Variants in LATS2 observed in about 807,000 individuals in gnomAD.
The protein encoded by LATS2 is serine/threonine-protein kinase LATS2.
Under a neutral mutation model 76.0 loss-of-function variants are expected in LATS2, and 24 were observed. That is an observed-to-expected ratio of 0.32 (90% CI 0.23 to 0.44). The LOEUF is 0.44. Among genes scored for constraint, LATS2 ranks in the 20% least tolerant of loss-of-function variants. The probability of loss-of-function intolerance (pLI) is 1.00; values close to 1 mark genes in which losing one functional copy is unlikely to be tolerated. For missense variants in LATS2, 1,286 were observed against 1,481.2 expected (o/e 0.87, Z 2.16); for synonymous variants, 692 against 635.4 (o/e 1.09, Z -1.34).
At chr13:21,014,557 G>T (rs942528115) in intron 2 of LATS2, among the ~76,000 whole-genome samples, 1 of 152,144 alleles carries the variant, frequency 6.6e-6, no homozygotes, top group Non-Finnish European at 1.5e-5. Context: ...AGGTTTTATG[G>T]CAATGCTGAG....
At chr13:21,036,733 A>C (rs906392332) in intron 2 of LATS2, among the ~76,000 whole-genome samples, 8 of 152,330 alleles carry the variant, frequency 5.3e-5, no homozygotes, top group African/African-American at 1.9e-4. Flanking sequence ...AGATGGCACC[A>C]CTGCACTCCA....
intron 2 of LATS2, among the ~76,000 whole-genome samples, chr13:20,998,451 A>C (rs1595223602): frequency 6.6e-6 from 1 of 152,204 alleles, no homozygotes; most frequent in Non-Finnish European, 1.5e-5. Context: ...CTGGCAGAGG[A>C]GGCTGCACTG....
At chr13:21,002,857 T>G (rs1244236452) in intron 2 of LATS2, among the ~76,000 whole-genome samples, 1 of 152,036 alleles carries the variant, frequency 6.6e-6, no homozygotes, top group Admixed American at 6.6e-5. Flanking sequence ...CCTGGCTAAC[T>G]TTATTCTTTA....
At chr13:20,997,595 G>A (rs1221806576) in intron 2 of LATS2, among the ~76,000 whole-genome samples, 2 of 152,132 alleles carry the variant, frequency 1.3e-5, no homozygotes, top group Admixed American at 6.5e-5. Flanking sequence ...CTGTCCCTCG[G>A]GGAAGCTGGC....
At chr13:21,014,177 G>A (rs1378276823) in intron 2 of LATS2, among the ~76,000 whole-genome samples, 1 of 152,110 alleles carries the variant, frequency 6.6e-6, no homozygotes, top group Non-Finnish European at 1.5e-5. Context: ...TGAGTCGGGG[G>A]CAGGGGGAAA....
At chr13:21,036,780 CAA>C (rs1872695167) in intron 2 of LATS2, among the ~76,000 whole-genome samples, 1 of 151,750 alleles carries the variant, frequency 6.6e-6, no homozygotes, top group Non-Finnish European at 1.5e-5. Context: ...CTCAAAACAA[CAA>C]CAACAACAAC....
intron 2 of LATS2, among the ~76,000 whole-genome samples, chr13:21,015,800 A>G (rs959201521): frequency 1.3e-5 from 2 of 152,070 alleles, no homozygotes; most frequent in Non-Finnish European, 1.5e-5. Context: ...CCCAGGTTCA[A>G]GCGATTCTCT....
intron 2 of LATS2, among the ~76,000 whole-genome samples, chr13:21,018,874 G>A (rs898288674): frequency 3.9e-5 from 6 of 152,214 alleles, no homozygotes; most frequent in African/African-American, 9.6e-5. Flanking sequence ...TTGAACTCCC[G>A]ACCTCAAATA....
intron 2 of LATS2, among the ~76,000 whole-genome samples, chr13:21,031,501 T>C (rs1872529437): frequency 6.6e-6 from 1 of 152,234 alleles, no homozygotes; most frequent in Non-Finnish European, 1.5e-5. Context: ...TTTTTTCACC[T>C]ATTTTGCTTT....
intron 2 of LATS2, among the ~76,000 whole-genome samples, chr13:21,025,207 C>A (rs1328468178): frequency 2.3e-5 from 3 of 130,582 alleles, no homozygotes; most frequent in Middle Eastern, 7.1e-3. Flanking sequence ...TGGCGAAACC[C>A]CGTCTCTACT....
At chr13:21,000,754 A>G (rs1871006601) in intron 2 of LATS2, among the ~76,000 whole-genome samples, 1 of 152,196 alleles carries the variant, frequency 6.6e-6, no homozygotes, top group Non-Finnish European at 1.5e-5. Context: ...CAAATCTACC[A>G]CTGTTCTAGA....
chr13:21,036,997 A>G (rs1872704895), intron 2 of LATS2, among the ~76,000 whole-genome samples: 1 of 152,254 alleles, frequency 6.6e-6, no homozygotes, highest in Non-Finnish European at 1.5e-5. Context: ...AATGTATTCT[A>G]AGGAAGTCAG....
At chr13:21,040,648 A>C (rs976065202) in intron 2 of LATS2, among the ~76,000 whole-genome samples, 1 of 151,958 alleles carries the variant, frequency 6.6e-6, no homozygotes, top group Non-Finnish European at 1.5e-5. Flanking sequence ...GCTCCTCTGT[A>C]GAGGGGAGCA....
chr13:21,035,007 G>T (rs549516190), intron 2 of LATS2, among the ~76,000 whole-genome samples: 7 of 152,268 alleles, frequency 4.6e-5, no homozygotes, highest in Admixed American at 2.6e-4. Flanking sequence ...AGGGCGGGAG[G>T]ATCACTTGAG....
intron 2 of LATS2, among the ~76,000 whole-genome samples, chr13:21,030,698 A>T (rs1448733017): frequency 2.0e-5 from 3 of 151,772 alleles, no homozygotes; most frequent in African/African-American, 7.3e-5. Flanking sequence ...ATCTATAGGT[A>T]TGATAAACCT....
intron 2 of LATS2, chr13:21,023,146 AGGGCTCC>A (rs146957910): frequency 1.2e-5 from 1 of 85,078 alleles, no homozygotes; most frequent in African/African-American, 5.6e-5. Flanking sequence ...CGCTGCATCG[AGGGCTCC>A]GGGCTCCGAG....
intron 2 of LATS2, among the ~76,000 whole-genome samples, chr13:21,017,145 G>A (rs1413568820): frequency 6.6e-6 from 1 of 152,154 alleles, no homozygotes; most frequent in Non-Finnish European, 1.5e-5. Flanking sequence ...AAAGCGCCTG[G>A]CACTTGAATG....
At chr13:21,008,041 G>A (rs891046887) in intron 2 of LATS2, among the ~76,000 whole-genome samples, 4 of 151,842 alleles carry the variant, frequency 2.6e-5, no homozygotes, top group Non-Finnish European at 4.4e-5. Flanking sequence ...TCACAGGCGT[G>A]AGCCACCGTA....
At position 20,998,365 on chromosome 13, in the gene LATS2, A is replaced by T. The variant is rs143886370; in HGVS notation, c.343-6961T>A. Among the ~76,000 whole-genome samples the T allele has an allele frequency of 3.8e-3, 548 of 144,660 alleles. 2 individuals are homozygous for T. Among genetic ancestry groups the T allele is most frequent in the African/African-American group, 0.013 (519 of 40,926 alleles). The allele number at this position is 144,660 out of a possible 152,430, so 94.9% of individuals were successfully genotyped here. ...AAGAGACCCTGTCTCAAACAAACAA[A>T]CAAAAATTAATTAATTAATTAAATT... On this transcript the variant is annotated intron_variant, in intron 2 of 7. Transcript: ENST00000382592.
Sources: allele counts gnomAD v4.1 joint callset (sites outside exome capture counted in the v4.1 genomes callset), GRCh38; gene constraint gnomAD v4.1.1; transcripts MANE v1.5; gene names NCBI Gene and HGNC (gene_info 2026-07-23, HGNC 2026-07-21).